Variants in STAB2 observed in about 807,000 individuals in gnomAD.
STAB2 encodes stabilin-2.
In STAB2, 288 loss-of-function variants were observed where a neutral mutation model predicts 338.1. The ratio of observed to expected loss-of-function variants is 0.85; its 90% confidence interval spans 0.77 to 0.94. The LOEUF (loss-of-function observed/expected upper bound fraction) is 0.94, where lower values mean the gene tolerates loss of function less well. STAB2 is among the 40% of genes least tolerant of loss of function. The probability of loss-of-function intolerance (pLI) is 0.00; values close to 1 mark genes in which losing one functional copy is unlikely to be tolerated. For synonymous variants in STAB2, 1,202 were observed against 1,193.3 expected (o/e 1.01, Z -0.15); for missense variants, 3,141 against 3,210.1 (o/e 0.98, Z 0.52).
rs147222832 is a variant in STAB2, at chr12:103,675,991, A to T, written c.2616A>T (p.Thr872=). 6.2e-7 allele frequency: 1 copy of T among 1,612,568 alleles called. No individual in the cohort carries two copies. Among genetic ancestry groups the T allele is most frequent in the African/African-American group, 1.3e-5 (1 of 74,768 alleles). ...TGTGTTCTGAGATGGACCCTTGCACAGGACTAACTCCAGGAGGCTGTAGCC... is the reference window on the plus strand; with the variant it reads ...TGTGTTCTGAGATGGACCCTTGCACTGGACTAACTCCAGGAGGCTGTAGCC... ...GTLCSEMDPC[T]GLTPGGCSRN... is the part of the protein sequence containing the mutation. Residue 872 remains threonine (T), a synonymous_variant, in exon 24 of 69, where the codon ACA becomes ACT. Coordinates refer to ENST00000388887, the MANE Select transcript of STAB2 (RefSeq NM_017564.10).
chr12:103,760,797 T>C (rs998886281), intron 65 of STAB2, among the ~76,000 whole-genome samples: 2 of 152,252 alleles, frequency 1.3e-5, no homozygotes, highest in Non-Finnish European at 2.9e-5. Context: ...TTTAGACTAG[T>C]GTCTCTCAAA....
intron 31 of STAB2, among the ~76,000 whole-genome samples, chr12:103,693,560 C>T (rs1221867625): frequency 6.6e-6 from 1 of 152,148 alleles, no homozygotes; most frequent in Non-Finnish European, 1.5e-5. Context: ...TTTCCACTCT[C>T]CTATCTGCAT....
chr12:103,589,570 A>G (rs1053302829), intron 1 of STAB2, among the ~76,000 whole-genome samples: 1 of 152,232 alleles, frequency 6.6e-6, no homozygotes, highest in Non-Finnish European at 1.5e-5. Flanking sequence ...CTAAGAGTTT[A>G]GCAAATAAGA....
At chr12:103,668,362 T>A (rs1034781551) in intron 19 of STAB2, among the ~76,000 whole-genome samples, 1 of 152,098 alleles carries the variant, frequency 6.6e-6, no homozygotes, top group Non-Finnish European at 1.5e-5. Flanking sequence ...CAGAAAATAT[T>A]TTCTGCTTAG....
intron 3 of STAB2, among the ~76,000 whole-genome samples, chr12:103,599,414 G>A (rs889610642): frequency 6.6e-6 from 1 of 152,144 alleles, no homozygotes; most frequent in African/African-American, 2.4e-5. Context: ...TGACACCTGA[G>A]CTCCCTTCTG....
intron 65 of STAB2, among the ~76,000 whole-genome samples, chr12:103,760,094 C>T (rs887320997): frequency 2.6e-5 from 4 of 152,174 alleles, no homozygotes; most frequent in African/African-American, 9.7e-5. Flanking sequence ...TCCCAGTCTC[C>T]AGTAAGGATG....
At chr12:103,613,131 G>T (rs1214260107) in intron 3 of STAB2, among the ~76,000 whole-genome samples, 1 of 152,198 alleles carries the variant, frequency 6.6e-6, no homozygotes, top group African/African-American at 2.4e-5. Flanking sequence ...CTACTTGGGG[G>T]TCAGGGACCC....
chr12:103,712,851 C>A (rs976495383), intron 41 of STAB2, among the ~76,000 whole-genome samples: 1 of 152,132 alleles, frequency 6.6e-6, no homozygotes, highest in African/African-American at 2.4e-5. Context: ...GGGTCTGGAG[C>A]AGACTAAAAA....
In STAB2 at chr12:103,735,492, T is replaced by G. The variant is rs555153328; in HGVS notation, c.5462T>G (p.Val1821Gly). 1 of 1,607,704 alleles carries G rather than the reference T, an allele frequency of 6.2e-7. No individual in the cohort carries two copies. Among genetic ancestry groups the G allele is most frequent in the Non-Finnish European group, 8.5e-7 (1 of 1,177,554 alleles). The stretch of plus-strand genomic sequence containing the variant: ...CACGTGGTGCCATCACTCCTACAGG[T>G]TTTAGCTGTGGATCTTCCCACATCC... ...LKFHVIRDAK[V>G]LAVDLPTSTA... The change falls in exon 52 of 69, where the codon GTT becomes GGT. Residue 1821 changes from valine (V) to glycine (G), a missense_variant and splice_region_variant. Physicochemically the swap from Val to Gly is moderately radical, Grantham distance 109. Coordinates refer to ENST00000388887, the MANE Select transcript of STAB2 (RefSeq NM_017564.10).
intron 15 of STAB2, among the ~76,000 whole-genome samples, chr12:103,656,608 T>G (rs1056521676): frequency 1.3e-5 from 2 of 152,138 alleles, no homozygotes; most frequent in Non-Finnish European, 2.9e-5. Flanking sequence ...GGAATTCACA[T>G]AGATATATAT....
intron 68 of STAB2, among the ~76,000 whole-genome samples, chr12:103,765,636 T>A (rs1244900503): frequency 6.6e-6 from 1 of 152,170 alleles, no homozygotes; most frequent in Non-Finnish European, 1.5e-5. Context: ...CCATCAGGGC[T>A]CACTGCAAGC....
intron 25 of STAB2, among the ~76,000 whole-genome samples, chr12:103,680,779 G>T (rs970720657): frequency 1.3e-5 from 2 of 152,262 alleles, no homozygotes; most frequent in African/African-American, 4.8e-5. Context: ...GAGGGGGAGT[G>T]ATGGTGTCCC....
chr12:103,669,992 T>A (rs1875594159), intron 21 of STAB2, among the ~76,000 whole-genome samples: 1 of 152,256 alleles, frequency 6.6e-6, no homozygotes, highest in Admixed American at 6.5e-5. Flanking sequence ...TAGCTCTGCC[T>A]CCTGATTGCT....
At chr12:103,748,707 G>T (rs1417981612) in intron 58 of STAB2, among the ~76,000 whole-genome samples, 4 of 151,358 alleles carry the variant, frequency 2.6e-5, no homozygotes, top group Non-Finnish European at 4.4e-5. Context: ...TGATACCAAA[G>T]TCAAGCCTGG....
At position 103,762,420 on chromosome 12, in the gene STAB2, G is replaced by C; in HGVS notation, c.7488+18G>C. ...ATTTTGAGGTAAGAGAGAAAAATGG[G>C]AACATGATGATGGGGTCCTCTCCAA... On this transcript the variant is annotated intron_variant, in intron 67 of 68. Coordinates refer to ENST00000388887, the MANE Select transcript of STAB2 (RefSeq NM_017564.10). 1 of 1,614,146 alleles carries C rather than the reference G, an allele frequency of 6.2e-7. No homozygotes were observed. Among genetic ancestry groups the C allele is most frequent in the Non-Finnish European group, 8.5e-7 (1 of 1,180,022 alleles).
chr12:103,747,903 G>A (rs986392067), intron 58 of STAB2, among the ~76,000 whole-genome samples: 5 of 150,622 alleles, frequency 3.3e-5, no homozygotes, highest in Admixed American at 6.7e-5. Context: ...GCTGAGGCAG[G>A]AGAATCACCT....
intron 20 of STAB2, 98 bp from the exon 21 acceptor site, chr12:103,669,443 T>C: frequency 9.4e-7 from 1 of 1,067,354 alleles, no homozygotes; most frequent in South Asian, 1.3e-5. Context: ...GAGAGGCGAA[T>C]ATGGCTTAGT....
intron 3 of STAB2, among the ~76,000 whole-genome samples, chr12:103,604,912 T>C (rs541347836): frequency 6.6e-6 from 1 of 150,766 alleles, no homozygotes; most frequent in African/African-American, 2.5e-5. Flanking sequence ...CTAACTTCTT[T>C]ACCTTAAGTT....
intron 5 of STAB2, among the ~76,000 whole-genome samples, chr12:103,627,291 C>G (rs991670315): frequency 6.6e-6 from 1 of 152,160 alleles, no homozygotes; most frequent in Non-Finnish European, 1.5e-5. Context: ...AGATTAGGTG[C>G]CCAGTCCCAA....
Sources: gnomAD v4.1 joint callset for allele counts (sites outside exome capture counted in the v4.1 genomes callset) on GRCh38, gnomAD v4.1.1 for gene constraint, MANE v1.5 for transcripts, NCBI Gene and HGNC (gene_info 2026-07-23, HGNC 2026-07-21) for gene names.